Variants in SLC9A9 observed in about 807,000 individuals in gnomAD.
SLC9A9 encodes sodium/hydrogen exchanger 9.
In SLC9A9, 62 loss-of-function variants were observed where a neutral mutation model predicts 77.8. That is an observed-to-expected ratio of 0.80 (90% CI 0.65 to 0.98). SLC9A9 has a LOEUF of 0.98. Ranked by LOEUF, SLC9A9 falls within the 50% of genes least tolerant of loss-of-function variation. The pLI is 0.00. For synonymous variants in SLC9A9, 320 were observed against 283.5 expected (o/e 1.13, Z -1.29); for missense variants, 775 against 774.9 (o/e 1.00, Z 0.00).
rs369799477 is a variant in SLC9A9, at chr3:143,563,433, G to A, written c.1000+10655C>T. 9.9e-5 allele frequency among the ~76,000 whole-genome samples: 15 copies of A among 152,202 alleles called. No homozygotes were observed. The South Asian group carries it at 1.7e-3, about 17-fold the overall frequency. ...GGTTGTAAATTATGTAAGAAAAAAC[G>A]TGCAATACTGGGAGTCAGAAGACAT... On this transcript the variant is annotated intron_variant, in intron 8 of 15. Coordinates refer to ENST00000316549, the MANE Select transcript of SLC9A9 (RefSeq NM_173653.4).
At chr3:143,725,383 T>G (rs1934615400) in intron 4 of SLC9A9, among the ~76,000 whole-genome samples, 1 of 152,054 alleles carries the variant, frequency 6.6e-6, no homozygotes, top group Non-Finnish European at 1.5e-5. Flanking sequence ...ATCCCATTAC[T>G]GGGTATATAC....
chr3:143,569,430 CTT>C (rs76821010), intron 8 of SLC9A9, among the ~76,000 whole-genome samples: 13,578 of 151,994 alleles, frequency 0.089, 800 homozygotes, highest in Non-Finnish European at 0.13. Flanking sequence ...GGACAGGTGA[CTT>C]ATCATCTGGG....
At position 143,843,891 on chromosome 3, in the gene SLC9A9, A is replaced by T. The variant is rs559084396; in HGVS notation, c.175+4257T>A. Among the ~76,000 whole-genome samples the T allele has an allele frequency of 4.6e-5, 7 of 152,302 alleles. No individual in the cohort carries two copies. In the South Asian group the frequency reaches 1.5e-3, roughly 32 times the overall value. On this transcript the variant is annotated intron_variant, in intron 1 of 15. Coordinates refer to ENST00000316549, the MANE Select transcript of SLC9A9 (RefSeq NM_173653.4). ...TGCTTCCAGTCCAATTTAAATGAGTATCATTATGGCTTATATTTTAAACCA... is the reference window on the plus strand; with the variant it reads ...TGCTTCCAGTCCAATTTAAATGAGTTTCATTATGGCTTATATTTTAAACCA...
chr3:143,290,221 A>G (rs1486471750), intron 14 of SLC9A9, among the ~76,000 whole-genome samples: 1 of 152,144 alleles, frequency 6.6e-6, no homozygotes, highest in Non-Finnish European at 1.5e-5. Context: ...CATAAATAAT[A>G]GGCATAAAAT....
intron 14 of SLC9A9, among the ~76,000 whole-genome samples, chr3:143,295,554 G>T (rs912106659): frequency 1.3e-5 from 2 of 152,186 alleles, no homozygotes; most frequent in African/African-American, 4.8e-5. Flanking sequence ...ATACTCAGTA[G>T]ATGTTAACTG....
intron 14 of SLC9A9, among the ~76,000 whole-genome samples, chr3:143,294,658 A>G (rs1019464586): frequency 6.6e-6 from 1 of 152,342 alleles, no homozygotes; most frequent in African/African-American, 2.4e-5. Context: ...TCCCTCTGAT[A>G]GGCCTTGTGT....
chr3:143,786,169 A>T (rs555493567), intron 4 of SLC9A9, among the ~76,000 whole-genome samples: 4 of 152,088 alleles, frequency 2.6e-5, no homozygotes, highest in African/African-American at 9.7e-5. Context: ...TGAATTTTTC[A>T]TTTAAAAGGA....
intron 2 of SLC9A9, among the ~76,000 whole-genome samples, chr3:143,804,863 C>A (rs540123321): frequency 9.8e-4 from 150 of 152,330 alleles, no homozygotes; most frequent in African/African-American, 3.4e-3. Context: ...GCTAGCATCA[C>A]AGACATATCA....
intron 5 of SLC9A9, among the ~76,000 whole-genome samples, chr3:143,664,991 G>C (rs2039040851): frequency 6.6e-6 from 1 of 152,210 alleles, no homozygotes; most frequent in Admixed American, 6.5e-5. Context: ...GGACCTAATA[G>C]ACATCTACAG....
At chr3:143,659,574 A>G (rs2108754800) in intron 5 of SLC9A9, among the ~76,000 whole-genome samples, 1 of 152,328 alleles carries the variant, frequency 6.6e-6, no homozygotes, top group Non-Finnish European at 1.5e-5. Flanking sequence ...CCAAGGGTAA[A>G]CAAGAGTAAT....
At chr3:143,577,823 C>G (rs1015283279) in intron 7 of SLC9A9, among the ~76,000 whole-genome samples, 2 of 152,168 alleles carry the variant, frequency 1.3e-5, no homozygotes, top group Non-Finnish European at 2.9e-5. Flanking sequence ...GGCCCTAGAT[C>G]TTCTGTTCTA....
chr3:143,717,196 T>C (rs1170612756), intron 4 of SLC9A9, among the ~76,000 whole-genome samples: 2 of 152,240 alleles, frequency 1.3e-5, no homozygotes, highest in East Asian at 1.9e-4. Context: ...CTGGTTAATA[T>C]GTAGACTATT....
intron 9 of SLC9A9, among the ~76,000 whole-genome samples, 180 bp from the exon 10 acceptor site, chr3:143,495,628 G>A (rs1374955063): frequency 2.0e-5 from 3 of 152,300 alleles, no homozygotes; most frequent in South Asian, 2.1e-4. Context: ...AGGGACAGAT[G>A]CCACAGCCAC....
intron 12 of SLC9A9, among the ~76,000 whole-genome samples, chr3:143,408,345 G>A (rs1482803901): frequency 6.6e-6 from 1 of 152,154 alleles, no homozygotes; most frequent in African/African-American, 2.4e-5. Context: ...GAAGCCAAAG[G>A]CCCTAGGTTC....
intron 9 of SLC9A9, among the ~76,000 whole-genome samples, chr3:143,526,854 G>A (rs2036416212): frequency 6.6e-6 from 1 of 152,176 alleles, no homozygotes; most frequent in Admixed American, 6.5e-5. Context: ...AAGTCTTAGG[G>A]CAAAGTATAT....
chr3:143,657,931 A>G (rs2108753622), intron 5 of SLC9A9, among the ~76,000 whole-genome samples: 1 of 152,210 alleles, frequency 6.6e-6, no homozygotes, highest in East Asian at 1.9e-4. Flanking sequence ...CAGTGGCGCA[A>G]TCTCAGCTCA....
intron 9 of SLC9A9, among the ~76,000 whole-genome samples, chr3:143,523,114 G>GGA (rs2036340907): frequency 6.6e-6 from 1 of 152,052 alleles, no homozygotes; most frequent in Non-Finnish European, 1.5e-5. Flanking sequence ...GAGCTGTCAG[G>GGA]GAGAGAGAGC....
intron 12 of SLC9A9, among the ~76,000 whole-genome samples, chr3:143,428,704 A>G (rs1576490669): frequency 5.4e-5 from 1 of 18,596 alleles, no homozygotes; most frequent in Non-Finnish European, 8.8e-5. Flanking sequence ...CAGATGAATG[A>G]AGACAGACAC....
intron 4 of SLC9A9, among the ~76,000 whole-genome samples, chr3:143,789,031 A>G (rs1048282985): frequency 3.9e-4 from 59 of 152,330 alleles, no homozygotes; most frequent in African/African-American, 1.4e-3. Context: ...AGTACTTTGG[A>G]AAACAATTTG....
Sources: allele counts gnomAD v4.1 joint callset (sites outside exome capture counted in the v4.1 genomes callset), GRCh38; gene constraint gnomAD v4.1.1; transcripts MANE v1.5; gene names NCBI Gene and HGNC (gene_info 2026-07-23, HGNC 2026-07-21).